Variants in PCDH15 observed in about 807,000 individuals in gnomAD.
PCDH15 encodes protocadherin related 15.
Under a neutral mutation model 178.5 loss-of-function variants are expected in PCDH15, and 129 were observed. The observed-to-expected ratio is 0.72, with a 90% CI of 0.63 to 0.84. PCDH15 has a LOEUF of 0.84. Ranked by LOEUF, PCDH15 falls within the 40% of genes least tolerant of loss-of-function variation. The pLI, the probability that PCDH15 is intolerant of heterozygous loss-of-function variation, is 0.00. For missense variants in PCDH15, 2,230 were observed against 2,099.9 expected, an observed-to-expected ratio of 1.06 and a Z score of -1.21; for synonymous variants, 800 against 732.0, an observed-to-expected ratio of 1.09 and a Z score of -1.50.
At chr10:55,258,208 A>G (rs1275822147) in intron 1 of PCDH15, among the ~76,000 whole-genome samples, 1 of 152,192 alleles carries the variant, frequency 6.6e-6, no homozygotes, top group Non-Finnish European at 1.5e-5. Flanking sequence ...TATTTTAAGA[A>G]AACTATAATT....
intron 2 of PCDH15, among the ~76,000 whole-genome samples, chr10:54,533,526 A>G (rs1173357530): frequency 6.6e-6 from 1 of 152,230 alleles, no homozygotes; most frequent in African/African-American, 2.4e-5. Context: ...CCAAATGTCT[A>G]TAATTTCTAT....
intron 2 of PCDH15, among the ~76,000 whole-genome samples, chr10:55,463,732 C>A (rs1056742520): frequency 6.6e-6 from 1 of 151,816 alleles, no homozygotes; most frequent in Non-Finnish European, 1.5e-5. Flanking sequence ...CTGCGTCAAA[C>A]TCAATCACAT....
intron 8 of PCDH15, among the ~76,000 whole-genome samples, chr10:54,299,710 GAC>G (rs929222392): frequency 5.5e-4 from 83 of 152,266 alleles, no homozygotes; most frequent in Non-Finnish European, 8.4e-4. Flanking sequence ...AAGGGAAAAA[GAC>G]ACAATGGGTG....
intron 20 of PCDH15, among the ~76,000 whole-genome samples, chr10:53,997,710 C>T (rs927566706): frequency 8.5e-5 from 13 of 152,114 alleles, no homozygotes; most frequent in Non-Finnish European, 4.4e-5. Flanking sequence ...TCATTGGATT[C>T]ACCTTCTAAC....
chr10:54,238,457 T>C (rs2134408960), intron 8 of PCDH15, among the ~76,000 whole-genome samples: 1 of 152,104 alleles, frequency 6.6e-6, no homozygotes, highest in Admixed American at 6.6e-5. Context: ...CACTAATAGG[T>C]CCTAAGTAGT....
chr10:54,471,802 C>G (rs571328774), intron 3 of PCDH15, among the ~76,000 whole-genome samples: 1 of 151,970 alleles, frequency 6.6e-6, no homozygotes, highest in African/African-American at 2.4e-5. Context: ...CTTTAAAATA[C>G]TTAATTTTAT....
In PCDH15 at chr10:53,806,531, A is replaced by G. The variant is rs563013753; in HGVS notation, c.*48T>C. On this transcript the variant is annotated 3_prime_UTR_variant, in exon 38 of 38. Coordinates refer to ENST00000644397, the MANE Select transcript of PCDH15 (RefSeq NM_001384140.1). The stretch of plus-strand genomic sequence containing the variant: ...TCAGTGACAATAAAAAGCACAGTTT[A>G]TTAAAAATGTAAGTAAAAATTAATT... 139 of 1,409,408 alleles carry G rather than the reference A, an allele frequency of 9.9e-5. No individual in the cohort carries two copies. The African/African-American group carries it at 1.8e-3, about 18-fold the overall frequency. 87.3% of individuals were successfully genotyped at this position (1,409,408 alleles called of 1,614,324 possible). A position where few individuals can be genotyped will look rare whatever the true frequency, so the allele number is the denominator to read the frequency against.
At chr10:54,893,023 G>C (rs1954488582) in intron 3 of PCDH15, among the ~76,000 whole-genome samples, 1 of 151,940 alleles carries the variant, frequency 6.6e-6, no homozygotes, top group Admixed American at 6.6e-5. Flanking sequence ...AGGAAATATA[G>C]AAGATTGAGA....
chr10:53,816,253 G>C lies in PCDH15; in HGVS notation c.4477C>G (p.Leu1493Val). 2.5e-6 allele frequency: 1 copy of C among 398,804 alleles called. No homozygotes were observed. The highest frequency in any genetic ancestry group is 4.4e-6 in the Non-Finnish European group (1 of 225,968). 24.7% of individuals were successfully genotyped at this position (398,804 alleles called of 1,614,324 possible). A position where few individuals can be genotyped will look rare whatever the true frequency, so the allele number is the denominator to read the frequency against. Reference protein sequence around the residue: ...SEQQQLLRPSLLKPEELSMES... With the variant: ...SEQQQLLRPSVLKPEELSMES... ...AAAATTGATACCTCTGGTTTAAGAAGAGAGGGCCTCAGCAGTTGCTGTTGC... is the reference window on the plus strand; with the variant it reads ...AAAATTGATACCTCTGGTTTAAGAACAGAGGGCCTCAGCAGTTGCTGTTGC... The change falls in exon 35 of 38, where the codon CTT becomes GTT. Residue 1493 changes from leucine (L) to valine (V), a missense_variant. Coordinates refer to ENST00000644397, the MANE Select transcript of PCDH15 (RefSeq NM_001384140.1).
chr10:54,974,076 C>A (rs943897838), intron 2 of PCDH15, among the ~76,000 whole-genome samples: 1 of 151,324 alleles, frequency 6.6e-6, no homozygotes, highest in Non-Finnish European at 1.5e-5. Flanking sequence ...CACACACACA[C>A]ACACACAGAC....
intron 1 of PCDH15, among the ~76,000 whole-genome samples, chr10:55,229,156 A>G (rs1474490326): frequency 6.6e-6 from 1 of 151,836 alleles, no homozygotes; most frequent in East Asian, 1.9e-4. Flanking sequence ...ATTCTCTCCA[A>G]CGTATTTAAA....
intron 8 of PCDH15, among the ~76,000 whole-genome samples, chr10:54,254,399 G>A (rs1424708905): frequency 6.6e-6 from 1 of 151,988 alleles, no homozygotes; most frequent in Non-Finnish European, 1.5e-5. Flanking sequence ...AATACAAGAG[G>A]AGCGAAAATA....
intron 2 of PCDH15, among the ~76,000 whole-genome samples, chr10:55,437,082 C>G (rs766120718): frequency 1.3e-5 from 2 of 152,138 alleles, no homozygotes; most frequent in East Asian, 3.9e-4. Context: ...AATATAAAAG[C>G]GATGACTATA....
chr10:54,301,033 A>G (rs556146153), intron 8 of PCDH15, among the ~76,000 whole-genome samples: 40 of 152,240 alleles, frequency 2.6e-4, no homozygotes, highest in African/African-American at 9.1e-4. Context: ...ATGTGGCTTC[A>G]CTCCTGAAGT....
chr10:55,558,549 G>C (rs1842134343), intron 2 of PCDH15, among the ~76,000 whole-genome samples: 1 of 152,030 alleles, frequency 6.6e-6, no homozygotes, highest in African/African-American at 2.4e-5. Context: ...TAAAACAACT[G>C]CAGAATATTT....
chr10:54,048,815 T>A (rs536459453), intron 18 of PCDH15, among the ~76,000 whole-genome samples: 2 of 152,174 alleles, frequency 1.3e-5, no homozygotes, highest in Non-Finnish European at 2.9e-5. Context: ...TTTGGTTTTG[T>A]TCTTTCTGCT....
At chr10:53,808,657 C>T (rs1035660191) in intron 37 of PCDH15, 9 of 1,595,708 alleles carry the variant, frequency 5.6e-6, no homozygotes, top group Non-Finnish European at 7.7e-6. Flanking sequence ...CGAGAGCACT[C>T]ATCACAGCAA....
chr10:54,975,369 T>C (rs1839043324), intron 2 of PCDH15, among the ~76,000 whole-genome samples: 1 of 152,190 alleles, frequency 6.6e-6, no homozygotes, highest in East Asian at 1.9e-4. Context: ...AGAGTGTGTA[T>C]GCATAGTCTA....
chr10:55,252,758 A>G (rs752811458), intron 1 of PCDH15, among the ~76,000 whole-genome samples: 7 of 152,084 alleles, frequency 4.6e-5, no homozygotes, highest in Admixed American at 2.6e-4. Context: ...AGAAAAGGTA[A>G]AAGTCATCAA....
Sources: allele counts gnomAD v4.1 joint callset (sites outside exome capture counted in the v4.1 genomes callset), GRCh38; gene constraint gnomAD v4.1.1; transcripts MANE v1.5; gene names NCBI Gene and HGNC (gene_info 2026-07-23, HGNC 2026-07-21).